Variants in EXOC6B observed in about 807,000 individuals in gnomAD.
EXOC6B encodes the protein SEC15 homolog B.
EXOC6B carries 54 observed loss-of-function variants against 113.5 expected under a neutral mutation model. That is an observed-to-expected ratio of 0.48 (90% CI 0.38 to 0.60). The LOEUF (loss-of-function observed/expected upper bound fraction) is 0.60, where lower values mean the gene tolerates loss of function less well. Ranked by LOEUF, EXOC6B falls within the 20% of genes least tolerant of loss-of-function variation. The pLI is 0.00. For synonymous variants in EXOC6B, 357 were observed against 339.0 expected, an observed-to-expected ratio of 1.05 and a Z score of -0.58; for missense variants, 797 against 977.5, an observed-to-expected ratio of 0.82 and a Z score of 2.46.
intron 18 of EXOC6B, among the ~76,000 whole-genome samples, chr2:72,405,450 G>A (rs937131363): frequency 1.3e-5 from 2 of 152,224 alleles, no homozygotes; most frequent in African/African-American, 2.4e-5. Flanking sequence ...GGCAGCCAGA[G>A]AGAAAGGTCA....
intron 17 of EXOC6B, among the ~76,000 whole-genome samples, chr2:72,473,350 T>C (rs1201724930): frequency 1.3e-5 from 2 of 152,150 alleles, no homozygotes; most frequent in African/African-American, 4.8e-5. Flanking sequence ...TTTATGAATC[T>C]AGGTGCTCCA....
At chr2:72,197,707 C>T (rs1478291057) in intron 20 of EXOC6B, among the ~76,000 whole-genome samples, 1 of 152,022 alleles carries the variant, frequency 6.6e-6, no homozygotes, top group African/African-American at 2.4e-5. Flanking sequence ...TGAAGGCTGA[C>T]TGAATGTTGG....
chr2:72,262,764 G>A (rs560388946), intron 20 of EXOC6B, among the ~76,000 whole-genome samples: 2 of 152,032 alleles, frequency 1.3e-5, no homozygotes, highest in Non-Finnish European at 2.9e-5. Flanking sequence ...CCTCCCACAA[G>A]TTTTGCATTC....
chr2:72,317,156 G>T (rs10197451), intron 20 of EXOC6B, among the ~76,000 whole-genome samples: 12,651 of 144,686 alleles, frequency 0.087, 627 homozygotes, highest in Non-Finnish European at 0.12. Flanking sequence ...ATTGTGGTTT[G>T]TTTTTTTTTT....
At chr2:72,359,649 T>A (rs1690181348) in intron 19 of EXOC6B, among the ~76,000 whole-genome samples, 2 of 152,152 alleles carry the variant, frequency 1.3e-5, no homozygotes, top group Non-Finnish European at 2.9e-5. Flanking sequence ...GAAAGTAGAA[T>A]GTTTGGAATT....
chr2:72,679,702 C>T (rs766278036), intron 6 of EXOC6B, among the ~76,000 whole-genome samples: 3 of 151,918 alleles, frequency 2.0e-5, no homozygotes, highest in Non-Finnish European at 4.4e-5. Context: ...CCGAAGAAAA[C>T]AGAAAAGAGG....
chr2:72,331,462 C>A (rs1553377234), intron 20 of EXOC6B, among the ~76,000 whole-genome samples: 1 of 151,972 alleles, frequency 6.6e-6, no homozygotes, highest in Non-Finnish European at 1.5e-5. Flanking sequence ...AATTATGAAC[C>A]ATTAAAGGTC....
intron 1 of EXOC6B, among the ~76,000 whole-genome samples, chr2:72,754,227 A>T (rs1682250354): frequency 6.6e-6 from 1 of 152,018 alleles, no homozygotes. Context: ...AACACAAGAA[A>T]CTGCTTTGGT....
intron 19 of EXOC6B, among the ~76,000 whole-genome samples, chr2:72,368,863 C>A (rs1246007089): frequency 2.0e-5 from 3 of 152,084 alleles, no homozygotes; most frequent in African/African-American, 4.8e-5. Flanking sequence ...TGGGACATAT[C>A]TCAAAATAAT....
intron 5 of EXOC6B, among the ~76,000 whole-genome samples, chr2:72,726,224 C>T (rs145429457): frequency 2.0e-5 from 3 of 152,076 alleles, no homozygotes; most frequent in Non-Finnish European, 2.9e-5. Context: ...GCCAGGGCAG[C>T]GAGGAAAGAG....
intron 6 of EXOC6B, among the ~76,000 whole-genome samples, chr2:72,699,875 A>G (rs963345652): frequency 6.6e-6 from 1 of 152,206 alleles, no homozygotes; most frequent in Non-Finnish European, 1.5e-5. Flanking sequence ...TAAGCTAAAA[A>G]TATGGCTTTC....
At chr2:72,686,503 T>G (rs976349955) in intron 6 of EXOC6B, among the ~76,000 whole-genome samples, 1 of 152,186 alleles carries the variant, frequency 6.6e-6, no homozygotes, top group Non-Finnish European at 1.5e-5. Flanking sequence ...AACTTATGAA[T>G]AAGGTACAGA....
At chr2:72,478,790 A>G (rs1698902732) in intron 17 of EXOC6B, among the ~76,000 whole-genome samples, 1 of 152,250 alleles carries the variant, frequency 6.6e-6, no homozygotes, top group South Asian at 2.1e-4. Context: ...TGGATACCAC[A>G]TATTCTTCTT....
chr2:72,184,048 A>G (rs370401241), intron 21 of EXOC6B, 27 bp downstream of exon 21: 11 of 1,336,464 alleles, frequency 8.2e-6, no homozygotes, highest in Non-Finnish European at 1.2e-5. Context: ...CCACCTCCCA[A>G]CACAGACCAT....
chr2:72,712,546 C>T (rs1392416212), intron 6 of EXOC6B, among the ~76,000 whole-genome samples: 12 of 152,210 alleles, frequency 7.9e-5, no homozygotes, highest in Non-Finnish European at 1.8e-4. Flanking sequence ...TGCTGGCTGT[C>T]AGGTGGGGAT....
At chr2:72,184,638 G>A (rs1678304506) in intron 20 of EXOC6B, among the ~76,000 whole-genome samples, 3 of 152,192 alleles carry the variant, frequency 2.0e-5, no homozygotes, top group African/African-American at 7.2e-5. Context: ...TGAACTTCAA[G>A]GTTAAAAGGT....
chr2:72,285,778 T>C (rs1319991500), intron 20 of EXOC6B, among the ~76,000 whole-genome samples: 1 of 151,946 alleles, frequency 6.6e-6, no homozygotes. Flanking sequence ...AAAGAATTTT[T>C]AAAGTGCACA....
Position 72,227,360 on chromosome 2 carries a change from G to C in EXOC6B, c.2197-43173C>G, listed in dbSNP as rs184500691. Among the ~76,000 whole-genome samples, 169 of 152,110 alleles carry C rather than the reference G, an allele frequency of 1.1e-3. 1 individual carries two copies. Among genetic ancestry groups the C allele is most frequent in the African/African-American group, 3.9e-3 (164 of 41,532 alleles). ...AAAAGCATTAATAGGAATAAAAAGGGTCACTACACACTAGTAAAAGAATAA... is the reference window on the plus strand; with the variant it reads ...AAAAGCATTAATAGGAATAAAAAGGCTCACTACACACTAGTAAAAGAATAA... On this transcript the variant is annotated intron_variant, in intron 20 of 21. Transcript: ENST00000272427.
At chr2:72,780,308 T>C (rs973768399) in intron 1 of EXOC6B, among the ~76,000 whole-genome samples, 1 of 152,038 alleles carries the variant, frequency 6.6e-6, no homozygotes, top group African/African-American at 2.4e-5. Context: ...CTTATGACAA[T>C]AAAATCAAAA....
Sources: allele counts gnomAD v4.1 joint callset (sites outside exome capture counted in the v4.1 genomes callset), GRCh38; gene constraint gnomAD v4.1.1; transcripts MANE v1.5; gene names NCBI Gene and HGNC (gene_info 2026-07-23, HGNC 2026-07-21).